The following RANBP17 variants were observed in gnomAD, a reference collection of about 807,000 sequenced individuals.
The protein encoded by RANBP17 is ran-binding protein 17.
RANBP17 carries 158 observed loss-of-function variants against 141.2 expected under a neutral mutation model. The observed-to-expected ratio is 1.12, with a 90% CI of 0.98 to 1.28. The LOEUF is 1.28. Among genes scored for constraint, RANBP17 ranks in the 50% most tolerant of loss-of-function variants. RANBP17 has a pLI of 0.00. For synonymous variants in RANBP17, 430 were observed against 450.0 expected (o/e 0.96, Z 0.56); for missense variants, 1,438 against 1,290.7 (o/e 1.11, Z -1.75).
Position 171,252,348 on chromosome 5 carries a change from A to G in RANBP17, c.2776+9528A>G, listed in dbSNP as rs553802696. ...GGGTTCATGAGATTTTTCAGGGAAC[A>G]TTAACTAATGAAACCAGATGTCTTA... On this transcript the variant is annotated intron_variant, in intron 24 of 27. Transcript: ENST00000523189. 22 of 1,539,444 alleles carry G rather than the reference A, an allele frequency of 1.4e-5. No individual in the cohort carries two copies. In the East Asian group the frequency reaches 4.7e-4, roughly 33 times the overall value.
At chr5:171,218,229 A>C (rs549653299) in intron 21 of RANBP17, among the ~76,000 whole-genome samples, 6 of 152,160 alleles carry the variant, frequency 3.9e-5, no homozygotes, top group African/African-American at 1.4e-4. Context: ...CTGAGTTCTA[A>C]TTTGATTGCA....
chr5:170,947,346 A>G (rs1774849226), intron 12 of RANBP17, among the ~76,000 whole-genome samples: 2 of 152,152 alleles, frequency 1.3e-5, no homozygotes, highest in Admixed American at 1.3e-4. Context: ...CTGGAGATAC[A>G]ATAGAGAACA....
intron 14 of RANBP17, among the ~76,000 whole-genome samples, chr5:171,129,474 G>T (rs1025549886): frequency 1.3e-5 from 2 of 152,058 alleles, no homozygotes; most frequent in African/African-American, 4.8e-5. Flanking sequence ...GCCACCACTC[G>T]CTTCAATCTG....
At chr5:170,866,166 A>G (rs563113191) in intron 1 of RANBP17, among the ~76,000 whole-genome samples, 3 of 152,200 alleles carry the variant, frequency 2.0e-5, no homozygotes, top group South Asian at 4.2e-4. Context: ...GCCTACCACT[A>G]TTGGGTATGG....
intron 22 of RANBP17, among the ~76,000 whole-genome samples, chr5:171,223,280 T>G (rs1024382324): frequency 2.0e-5 from 3 of 152,220 alleles, no homozygotes; most frequent in Non-Finnish European, 2.9e-5. Context: ...TATTTTCATC[T>G]GTACCAGTAA....
chr5:171,139,752 C>T (rs1406290756), intron 14 of RANBP17, among the ~76,000 whole-genome samples: 3 of 152,220 alleles, frequency 2.0e-5, no homozygotes, highest in Admixed American at 6.5e-5. Flanking sequence ...CCTTCGCCCA[C>T]TTTCAGCCTA....
At chr5:171,220,282 C>A (rs1011146482) in intron 21 of RANBP17, among the ~76,000 whole-genome samples, 2 of 151,524 alleles carry the variant, frequency 1.3e-5, no homozygotes, top group African/African-American at 2.4e-5. Flanking sequence ...CAGAGGGGCA[C>A]CCGGCCTTAT....
Position 171,183,212 on chromosome 5 carries a change from CA to C in RANBP17, c.1912del (p.Met638CysfsTer2), listed in dbSNP as rs1160143600. 12 of 1,591,954 alleles carry C rather than the reference CA, an allele frequency of 7.5e-6. No individual in the cohort carries two copies. The highest frequency in any genetic ancestry group is 8.6e-6 in the Non-Finnish European group (10 of 1,160,100). The part of the protein sequence containing the change: ...KLVKIDAVKF[M>X]LKNHTSEHFP... ...TTGTGAAGATAGATGCTGTGAAATTCATGCTAAAAAACCACACGGTAAGTCT... is the reference window on the plus strand; with the variant it reads ...TTGTGAAGATAGATGCTGTGAAATTCTGCTAAAAAACCACACGGTAAGTCT... On this transcript the variant is annotated frameshift_variant, in exon 17 of 28. Transcript: ENST00000523189. LOFTEE classifies it high-confidence loss of function.
rs544645216 is a variant in RANBP17 at position 170,939,676 on chromosome 5, G to A, written c.1469-13921G>A. Among the ~76,000 whole-genome samples, 32 of 152,138 alleles carry A rather than the reference G, an allele frequency of 2.1e-4. No homozygotes were observed. The South Asian group carries it at 4.2e-3, about 20-fold the overall frequency. ...GCTAGGATTACAGGCATGAGCCACC[G>A]CACCTGGCTGTAAACACATTCATTT... On this transcript the variant is annotated intron_variant, in intron 12 of 27. Coordinates refer to ENST00000523189, the MANE Select transcript of RANBP17 (RefSeq NM_022897.5).
chr5:171,028,857 T>C, intron 14 of RANBP17: 1 of 1,242,946 alleles, frequency 8.0e-7, no homozygotes, highest in Non-Finnish European at 1.1e-6. Flanking sequence ...TTCTTTTCTT[T>C]TTTGTCTTGC....
At position 170,924,654 on chromosome 5, in the gene RANBP17, A is replaced by T. The variant is rs374825101; in HGVS notation, c.1468+104A>T. The stretch of plus-strand genomic sequence containing the variant: ...CAAGTTATTTTTATGTATTTTCCCC[A>T]ATTCCTGGTCCCCTAATAAACCATT... On this transcript the variant is annotated intron_variant, in intron 12 of 27. Coordinates refer to ENST00000523189, the MANE Select transcript of RANBP17 (RefSeq NM_022897.5). 340 of 710,866 alleles carry T rather than the reference A, an allele frequency of 4.8e-4. 5 individuals are homozygous for T. In the South Asian group the frequency reaches 9.6e-3, roughly 20 times the overall value. 44.0% of individuals were successfully genotyped at this position (710,866 alleles called of 1,614,324 possible).
At chr5:170,978,751 G>T (rs1777560825) in intron 14 of RANBP17, among the ~76,000 whole-genome samples, 1 of 152,014 alleles carries the variant, frequency 6.6e-6, no homozygotes, top group Non-Finnish European at 1.5e-5. Context: ...GCCTTCTGGG[G>T]ACCTTGAAAT....
chr5:171,165,759 A>G (rs1051696387), intron 14 of RANBP17, among the ~76,000 whole-genome samples: 3 of 152,168 alleles, frequency 2.0e-5, no homozygotes, highest in Non-Finnish European at 2.9e-5. Flanking sequence ...CTACAAAAAT[A>G]TCATATTCTA....
At chr5:170,960,236 C>G (rs1009808951) in intron 13 of RANBP17, among the ~76,000 whole-genome samples, 1 of 152,166 alleles carries the variant, frequency 6.6e-6, no homozygotes, top group African/African-American at 2.4e-5. Context: ...AGAAATTGCA[C>G]ACTTCTGTGG....
At chr5:170,947,119 A>C (rs1774831859) in intron 12 of RANBP17, among the ~76,000 whole-genome samples, 1 of 152,168 alleles carries the variant, frequency 6.6e-6, no homozygotes, top group African/African-American at 2.4e-5. Flanking sequence ...TCTTATATTG[A>C]GTATTATTGG....
chr5:171,049,417 T>C (rs1014193896), intron 14 of RANBP17, among the ~76,000 whole-genome samples: 62 of 152,292 alleles, frequency 4.1e-4, no homozygotes, highest in African/African-American at 1.5e-3. Context: ...ATTCTGTAGG[T>C]TGTCTGTTTA....
chr5:171,145,942 G>A (rs920327113), intron 14 of RANBP17, among the ~76,000 whole-genome samples: 1 of 152,048 alleles, frequency 6.6e-6, no homozygotes, highest in East Asian at 1.9e-4. Flanking sequence ...TGTGTAATAG[G>A]CCCCAGGAAG....
At chr5:170,970,795 T>G (rs946218279) in intron 14 of RANBP17, 2 of 152,176 alleles carry the variant, frequency 1.3e-5, no homozygotes, top group Non-Finnish European at 2.9e-5. Flanking sequence ...TCTCAAATTC[T>G]GAGAGTGTTC....
chr5:170,882,863 A>G (rs899105686), intron 3 of RANBP17, among the ~76,000 whole-genome samples: 2 of 152,200 alleles, frequency 1.3e-5, no homozygotes, highest in South Asian at 4.1e-4. Context: ...TGCATTTCAT[A>G]TGGACAAAAT....
Sources: allele counts gnomAD v4.1 joint callset (sites outside exome capture counted in the v4.1 genomes callset), GRCh38; gene constraint gnomAD v4.1.1; transcripts MANE v1.5; gene names NCBI Gene and HGNC (gene_info 2026-07-23, HGNC 2026-07-21).